Variants in EPYC observed in about 807,000 individuals in gnomAD.
EPYC encodes the protein epiphycan.
EPYC carries 28 observed loss-of-function variants against 30.1 expected under a neutral mutation model. The observed-to-expected ratio is 0.93, with a 90% confidence interval of 0.69 to 1.28. The LOEUF (loss-of-function observed/expected upper bound fraction) is 1.28, where lower values mean the gene tolerates loss of function less well. Among genes scored for constraint, EPYC ranks in the 50% most tolerant of loss-of-function variants. The probability of loss-of-function intolerance (pLI) is 0.00; values close to 1 mark genes in which losing one functional copy is unlikely to be tolerated. For missense variants in EPYC, 382 were observed against 383.5 expected (o/e 1.00, Z 0.03); for synonymous variants, 144 against 141.4 (o/e 1.02, Z -0.13).
intron 2 of EPYC, among the ~76,000 whole-genome samples, chr12:90,990,365 C>A (rs553305139): frequency 6.6e-6 from 1 of 152,116 alleles, no homozygotes; most frequent in South Asian, 2.1e-4. Flanking sequence ...TAACTACACA[C>A]ATTTTGTATA....
At position 90,971,794 on chromosome 12, in the gene EPYC, A is replaced by G. The variant is rs780834444; in HGVS notation, c.702+6T>C. ...TAAAAGTCTGCATATCAAACTTAAAACTTACTTTAAATGCTTCTTGCTTTA... is the reference window on the plus strand; with the variant it reads ...TAAAAGTCTGCATATCAAACTTAAAGCTTACTTTAAATGCTTCTTGCTTTA... On this transcript the variant is annotated splice_donor_region_variant and intron_variant, in intron 5 of 6. Coordinates refer to ENST00000261172, the MANE Select transcript of EPYC (RefSeq NM_004950.5). 12 of 1,556,644 alleles carry G rather than the reference A, an allele frequency of 7.7e-6. 1 individual carries two copies. In the South Asian group the frequency reaches 1.3e-4, roughly 16 times the overall value.
chr12:91,003,300 A>G (rs376491861), intron 1 of EPYC, among the ~76,000 whole-genome samples: 1 of 152,076 alleles, frequency 6.6e-6, no homozygotes, highest in East Asian at 1.9e-4. Flanking sequence ...ATGAAATAGA[A>G]TAGAAAAAAA....
intron 3 of EPYC, among the ~76,000 whole-genome samples, chr12:90,975,955 A>G (rs1353092251): frequency 1.3e-5 from 2 of 152,108 alleles, no homozygotes; most frequent in Non-Finnish European, 2.9e-5. Flanking sequence ...TACTGGACAC[A>G]TTTTATAGTA....
At chr12:90,976,068 G>A (rs1877170408) in intron 3 of EPYC, among the ~76,000 whole-genome samples, 1 of 152,178 alleles carries the variant, frequency 6.6e-6, no homozygotes, top group Non-Finnish European at 1.5e-5. Context: ...CAATTCAAGT[G>A]TCTGGCATAT....
At chr12:90,987,394 G>T (rs1877478320) in intron 2 of EPYC, among the ~76,000 whole-genome samples, 1 of 152,106 alleles carries the variant, frequency 6.6e-6, no homozygotes, top group African/African-American at 2.4e-5. Context: ...CTCTTAGTCT[G>T]TAAGGGAGAA....
intron 2 of EPYC, among the ~76,000 whole-genome samples, chr12:90,989,801 T>C (rs904777324): frequency 6.6e-6 from 1 of 152,046 alleles, no homozygotes; most frequent in African/African-American, 2.4e-5. Flanking sequence ...TTCAGCTTTA[T>C]CCCAGTTTAT....
intron 3 of EPYC, among the ~76,000 whole-genome samples, chr12:90,975,144 T>A (rs913405856): frequency 1.3e-5 from 2 of 151,992 alleles, no homozygotes; most frequent in African/African-American, 2.4e-5. Flanking sequence ...CAGGAAAAAA[T>A]GTTTAAGCAG....
intron 2 of EPYC, among the ~76,000 whole-genome samples, chr12:90,988,084 A>G (rs1877495643): frequency 6.6e-6 from 1 of 152,284 alleles, no homozygotes; most frequent in East Asian, 1.9e-4. Context: ...TTATTGATTC[A>G]TTGATATTTA....
At chr12:90,968,880 A>G (rs1333647896) in intron 6 of EPYC, among the ~76,000 whole-genome samples, 1 of 151,840 alleles carries the variant, frequency 6.6e-6, no homozygotes, top group South Asian at 2.1e-4. Flanking sequence ...TCACCCCCAG[A>G]AAAAAAGAGA....
chr12:90,979,785 C>T (rs1333858707), intron 2 of EPYC, among the ~76,000 whole-genome samples: 1 of 152,134 alleles, frequency 6.6e-6, no homozygotes, highest in Non-Finnish European at 1.5e-5. Context: ...AATAGGCAAT[C>T]AGCAAGTACT....
intron 2 of EPYC, among the ~76,000 whole-genome samples, chr12:90,993,423 C>G (rs1415258994): frequency 6.6e-6 from 1 of 152,092 alleles, no homozygotes; most frequent in Admixed American, 6.6e-5. Flanking sequence ...ATTTTGAGCT[C>G]TATTTCTGTG....
At chr12:90,964,687 G>C (rs1876851025) in intron 6 of EPYC, among the ~76,000 whole-genome samples, 2 of 152,086 alleles carry the variant, frequency 1.3e-5, no homozygotes, top group African/African-American at 4.8e-5. Context: ...GAAGAAAAAG[G>C]CATGGAAAAA....
At chr12:90,986,751 T>C (rs1252947596) in intron 2 of EPYC, among the ~76,000 whole-genome samples, 1 of 152,104 alleles carries the variant, frequency 6.6e-6, no homozygotes, top group African/African-American at 2.4e-5. Context: ...TCGGAACCCA[T>C]ATATCTGAAC....
At chr12:90,990,091 C>T (rs1186231408) in intron 2 of EPYC, among the ~76,000 whole-genome samples, 4 of 151,950 alleles carry the variant, frequency 2.6e-5, no homozygotes, top group South Asian at 2.1e-4. Context: ...GAGTCAGTCA[C>T]AGTAATTGAA....
intron 2 of EPYC, among the ~76,000 whole-genome samples, chr12:90,994,724 A>T (rs1266809408): frequency 6.6e-6 from 1 of 152,174 alleles, no homozygotes; most frequent in East Asian, 1.9e-4. Flanking sequence ...CCTATTGAGA[A>T]AGCCCAGACC....
intron 6 of EPYC, among the ~76,000 whole-genome samples, chr12:90,966,529 C>T (rs996429608): frequency 6.6e-6 from 1 of 151,684 alleles, no homozygotes; most frequent in Non-Finnish European, 1.5e-5. Context: ...TGGTGAATTC[C>T]GTTTGTTGTG....
At chr12:90,965,739 T>C (rs983429727) in intron 6 of EPYC, among the ~76,000 whole-genome samples, 1 of 152,122 alleles carries the variant, frequency 6.6e-6, no homozygotes, top group African/African-American at 2.4e-5. Context: ...ATTTCCACCT[T>C]AGTCGTAAGT....
intron 6 of EPYC, among the ~76,000 whole-genome samples, chr12:90,968,633 G>A (rs919133399): frequency 6.6e-6 from 1 of 152,130 alleles, no homozygotes; most frequent in Non-Finnish European, 1.5e-5. Flanking sequence ...TCAAAGCTTA[G>A]AATGGGAATG....
intron 2 of EPYC, among the ~76,000 whole-genome samples, chr12:90,982,747 T>G (rs1471231088): frequency 1.3e-5 from 2 of 152,174 alleles, no homozygotes; most frequent in East Asian, 3.9e-4. Flanking sequence ...GTATTTATCT[T>G]TCTATGCCTG....
Sources: allele counts gnomAD v4.1 joint callset (sites outside exome capture counted in the v4.1 genomes callset), GRCh38; gene constraint gnomAD v4.1.1; transcripts MANE v1.5; gene names NCBI Gene and HGNC (gene_info 2026-07-23, HGNC 2026-07-21).